The following GART variants were observed in gnomAD, a reference collection of about 807,000 sequenced individuals.
GART encodes trifunctional purine biosynthetic protein adenosine-3.
A neutral mutation model predicts 107.2 loss-of-function variants in GART; 43 were observed. The ratio of observed to expected loss-of-function variants is 0.40; its 90% CI spans 0.31 to 0.52. The LOEUF (loss-of-function observed/expected upper bound fraction) is 0.52, where lower values mean the gene tolerates loss of function less well. Among genes scored for constraint, GART ranks in the 20% least tolerant of loss-of-function variants. The pLI is 0.52. For missense variants in GART, 1,107 were observed against 1,206.5 expected (o/e 0.92, Z 1.22); for synonymous variants, 434 against 427.0 (o/e 1.02, Z -0.20).
In GART at chr21:33,528,528, T is replaced by G. The variant is rs2085117287; in HGVS notation, c.888A>C (p.Pro296=). The change falls in exon 9 of 22, where the codon CCA becomes CCC. Residue 296 remains proline (P), a synonymous_variant. Transcript: ENST00000381815. ...TGATATTTTTACCCACTTGGCACTC[T>G]GGATCACCAAAACGGCAATTAAACT... ...VLEFNCRFGD[P]ECQVILPLLK... 6.2e-7 allele frequency: 1 copy of G among 1,607,172 alleles called. No individual in the cohort carries two copies. The highest frequency in any genetic ancestry group is 8.5e-7 in the Non-Finnish European group (1 of 1,177,932).
chr21:33,530,161 C>T (rs972144675), intron 7 of GART, among the ~76,000 whole-genome samples: 1 of 152,208 alleles, frequency 6.6e-6, no homozygotes, highest in African/African-American at 2.4e-5. Context: ...CACTGCACCC[C>T]AGCCTGGTAA....
At chr21:33,520,719 C>T in intron 13 of GART, 157 bp from the exon 14 acceptor site, 1 of 706,652 alleles carries the variant, frequency 1.4e-6, no homozygotes, top group African/African-American at 1.8e-5. Flanking sequence ...TCTAAAGTAC[C>T]CTTCCATCCA....
intron 18 of GART, among the ~76,000 whole-genome samples, chr21:33,508,363 C>T (rs747719685): frequency 2.0e-5 from 3 of 151,774 alleles, no homozygotes; most frequent in Non-Finnish European, 2.9e-5. Flanking sequence ...GGGGTACACA[C>T]GCTTGTTTAT....
chr21:33,511,215 A>G (rs757736713), intron 17 of GART, 37 bp downstream of exon 17: 9 of 1,608,350 alleles, frequency 5.6e-6, no homozygotes, highest in African/African-American at 5.3e-5. Context: ...TTATACAGCT[A>G]AAATTATATA....
At chr21:33,533,908 T>C (rs146521240) in intron 4 of GART, among the ~76,000 whole-genome samples, 143 of 149,048 alleles carry the variant, frequency 9.6e-4, no homozygotes, top group African/African-American at 3.4e-3. Context: ...CCGTCTCAGG[T>C]TGGGGGGTGG....
chr21:33,524,595 C>CATTTA (rs55691660), intron 11 of GART, 174 bp downstream of exon 11: 1,294,060 of 1,311,718 alleles, frequency 0.99, 638,528 homozygotes, highest in East Asian at 1. Context: ...AAGTTTTTTC[C>CATTTA]ATTTGAGTAT....
rs765351935 is a variant in GART at position 33,520,988 on chromosome 21, G to A, written c.1421C>T (p.Ala474Val). 7 of 1,613,754 alleles carry A rather than the reference G, an allele frequency of 4.3e-6. No individual in the cohort carries two copies. The highest frequency in any genetic ancestry group is 1.6e-4 in the Middle Eastern group (1 of 6,082). ...AGCTGCTTTTAAATCAAAAAGACCA[G>A]CAAAACCTCCAAGATCAACTTTACA... ...SGCKVDLGGF[A>V]GLFDLKAAGF... The change falls in exon 13 of 22, where the codon GCT becomes GTT. Residue 474 changes from alanine to valine, a missense_variant. Transcript: ENST00000381815.
chr21:33,514,722 C>T (rs2084846032), intron 16 of GART, among the ~76,000 whole-genome samples: 1 of 152,150 alleles, frequency 6.6e-6, no homozygotes, highest in South Asian at 2.1e-4. Context: ...TGTCTTGAAC[C>T]ACTAGTTTCA....
Position 33,514,050 on chromosome 21 carries a change from T to C in GART, c.2108-2592A>G, listed in dbSNP as rs529704309. 3.3e-5 allele frequency among the ~76,000 whole-genome samples: 5 copies of C among 152,262 alleles called. No homozygotes were observed. The East Asian group carries it at 9.6e-4, about 29-fold the overall frequency. On this transcript the variant is annotated intron_variant, in intron 16 of 21. Coordinates refer to ENST00000381815, the MANE Select transcript of GART (RefSeq NM_000819.5). ...GGAGGCTGAGATGGGCAGATTGCTCTGAGCCAAGGAGTTTAAGATCAGCCT... is the reference window on the plus strand; with the variant it reads ...GGAGGCTGAGATGGGCAGATTGCTCCGAGCCAAGGAGTTTAAGATCAGCCT...
At chr21:33,512,977 G>A (rs902202991) in intron 16 of GART, among the ~76,000 whole-genome samples, 11 of 151,326 alleles carry the variant, frequency 7.3e-5, no homozygotes, top group Non-Finnish European at 1.0e-4. Context: ...GTGCAATGGC[G>A]TGATCTCGAC....
At chr21:33,513,326 C>T (rs917413589) in intron 16 of GART, among the ~76,000 whole-genome samples, 8 of 151,962 alleles carry the variant, frequency 5.3e-5, no homozygotes, top group African/African-American at 1.9e-4. Context: ...AATCTCAGCA[C>T]TTTAGGAGGC....
At chr21:33,518,696 G>T in intron 14 of GART, 1 of 440,062 alleles carries the variant, frequency 2.3e-6, no homozygotes, top group Non-Finnish European at 4.5e-6. Context: ...ATTCTTAATA[G>T]CCTCATCAAA....
At position 33,524,739 on chromosome 21, in the gene GART, GC is replaced by G. The variant is rs764109705; in HGVS notation, c.1298+29del. The G allele has an allele frequency of 9.9e-6, 16 of 1,613,578 alleles. No individual in the cohort carries two copies. In the East Asian group the frequency reaches 3.6e-4, roughly 36 times the overall value. ...GCCATTTAGGCCAGTTTCTGAAATG[GC>G]ACTACAGCTAACTTGCTTAGAGTTT... On this transcript the variant is annotated intron_variant, in intron 11 of 21. Transcript: ENST00000381815.
intron 12 of GART, 44 bp from the exon 13 acceptor site, chr21:33,521,059 A>C (rs147801335): frequency 6.9e-7 from 1 of 1,457,400 alleles, no homozygotes; most frequent in East Asian, 2.3e-5. Flanking sequence ...TTAATAGATT[A>C]AACATGTAAT....
intron 1 of GART, among the ~76,000 whole-genome samples, chr21:33,539,787 A>G (rs1483507744): frequency 6.6e-6 from 1 of 152,136 alleles, no homozygotes; most frequent in African/African-American, 2.4e-5. Context: ...TTTTTGAAAA[A>G]CTGGGATTCA....
intron 16 of GART, among the ~76,000 whole-genome samples, chr21:33,513,171 G>A (rs1232297704): frequency 6.6e-6 from 1 of 150,884 alleles, no homozygotes; most frequent in Non-Finnish European, 1.5e-5. Context: ...CATCATGCTG[G>A]CCAGGCTGGT....
At chr21:33,532,298 A>T in intron 5 of GART, 47 bp downstream of exon 5, 1 of 1,294,644 alleles carries the variant, frequency 7.7e-7, no homozygotes, top group Non-Finnish European at 1.1e-6. Context: ...AACGGTATTT[A>T]TTCAGTATGA....
At chr21:33,506,159 T>C in intron 18 of GART, 55 bp from the exon 19 acceptor site, 1 of 1,565,328 alleles carries the variant, frequency 6.4e-7, no homozygotes. Flanking sequence ...TTTTTTTTTT[T>C]TGAGAGGGAG....
chr21:33,520,599 T>A (rs370801092), intron 13 of GART, 37 bp from the exon 14 acceptor site: 1 of 1,562,362 alleles, frequency 6.4e-7, no homozygotes, highest in African/African-American at 1.4e-5. Flanking sequence ...CATTAGGGAA[T>A]AAGTTCAAAA....
Sources: allele counts gnomAD v4.1 joint callset (sites outside exome capture counted in the v4.1 genomes callset), GRCh38; gene constraint gnomAD v4.1.1; transcripts MANE v1.5; gene names NCBI Gene and HGNC (gene_info 2026-07-23, HGNC 2026-07-21).